The following ELOVL2 variants were observed in gnomAD, a reference collection of about 807,000 sequenced individuals.
The protein encoded by ELOVL2 is ELOVL fatty acid elongase 2.
A neutral mutation model predicts 37.7 loss-of-function variants in ELOVL2; 38 were observed. That is an observed-to-expected ratio of 1.01 (90% CI 0.78 to 1.32). The LOEUF (loss-of-function observed/expected upper bound fraction) is 1.32. ELOVL2 is among the 40% of genes most tolerant of loss of function. The pLI, the probability that ELOVL2 is intolerant of heterozygous loss-of-function variation, is 0.00. For missense variants in ELOVL2, 352 were observed against 363.6 expected, an observed-to-expected ratio of 0.97 and a Z score of 0.26; for synonymous variants, 115 against 122.3, an observed-to-expected ratio of 0.94 and a Z score of 0.40.
At position 10,984,006 on chromosome 6, in the gene ELOVL2, G is replaced by A. The variant is rs907207163; in HGVS notation, c.766-100C>T. On this transcript the variant is annotated intron_variant, in intron 7 of 7. Coordinates refer to ENST00000354666, the MANE Select transcript of ELOVL2 (RefSeq NM_017770.4). ...AGTTAAAACAGTATGTGATTTTGTT[G>A]GGCGCAGGATTTTCTGTTTTTGTCT... is the stretch of plus-strand genomic sequence containing the variant. The A allele has an allele frequency of 1.9e-5, 22 of 1,147,720 alleles. No homozygotes were observed. The Admixed American group carries it at 2.4e-4, about 13-fold the overall frequency. 71.1% of individuals were successfully genotyped at this position (1,147,720 alleles called of 1,614,324 possible).
Position 10,994,482 on chromosome 6 carries a change from A to AG in ELOVL2, c.505+524_505+525insC, listed in dbSNP as rs1561714784. Among the ~76,000 whole-genome samples the AG allele has an allele frequency of 2.6e-3, 352 of 134,404 alleles. 9 individuals carry two copies. The highest frequency in any genetic ancestry group is 8.1e-3 in the African/African-American group (287 of 35,378). The allele number at this position is 134,404 out of a possible 152,430, so 88.2% of individuals were successfully genotyped here. A position where few individuals can be genotyped will look rare whatever the true frequency, so the allele number is the denominator to read the frequency against. ...AAATTCCATCTCAAAAAAAAAAAAA[A>AG]AGAACAAATATGAATGAGTGCACTG... On this transcript the variant is annotated intron_variant, in intron 5 of 7. Coordinates refer to ENST00000354666, the MANE Select transcript of ELOVL2 (RefSeq NM_017770.4).
At chr6:10,983,943 A>C in intron 7 of ELOVL2, 37 bp from the exon 8 acceptor site, 3 of 1,566,384 alleles carry the variant, frequency 1.9e-6, no homozygotes, top group Non-Finnish European at 2.6e-6. Context: ...AAAAATAAAA[A>C]GGTTATTTAA....
intron 1 of ELOVL2, among the ~76,000 whole-genome samples, chr6:11,035,856 T>C (rs1220086683): frequency 6.6e-6 from 1 of 152,212 alleles, no homozygotes; most frequent in African/African-American, 2.4e-5. Context: ...TATATTTAAA[T>C]TGACAGTGCT....
intron 1 of ELOVL2, among the ~76,000 whole-genome samples, chr6:11,023,032 A>T (rs1782788592): frequency 6.6e-6 from 1 of 152,262 alleles, no homozygotes; most frequent in Non-Finnish European, 1.5e-5. Context: ...TTATTCAGTG[A>T]TTCAATGCTG....
chr6:11,024,981 A>G (rs1163740936), intron 1 of ELOVL2, among the ~76,000 whole-genome samples: 2 of 152,202 alleles, frequency 1.3e-5, no homozygotes, highest in African/African-American at 4.8e-5. Flanking sequence ...GGGATAGATT[A>G]CCGCCCAACA....
chr6:11,026,684 C>A (rs7765206), intron 1 of ELOVL2, among the ~76,000 whole-genome samples: 13,071 of 152,080 alleles, frequency 0.086, 1,691 homozygotes, highest in African/African-American at 0.28. Context: ...TTGTCTTTGT[C>A]CACACTCTTA....
At chr6:11,026,480 G>A (rs1782839568) in intron 1 of ELOVL2, among the ~76,000 whole-genome samples, 1 of 152,042 alleles carries the variant, frequency 6.6e-6, no homozygotes, top group Admixed American at 6.6e-5. Context: ...GATCCTTCTG[G>A]GCTATAACAG....
At chr6:11,007,119 C>A (rs1782494643) in intron 2 of ELOVL2, among the ~76,000 whole-genome samples, 1 of 152,158 alleles carries the variant, frequency 6.6e-6, no homozygotes, top group Non-Finnish European at 1.5e-5. Flanking sequence ...ATAATATCAT[C>A]CCAGTTTACC....
At chr6:11,019,721 TTTTAG>T (rs565269039) in intron 1 of ELOVL2, among the ~76,000 whole-genome samples, 27 of 149,974 alleles carry the variant, frequency 1.8e-4, no homozygotes, top group Admixed American at 1.3e-3. Context: ...GTCTCTATCG[TTTTAG>T]TTTAGTTTTT....
At chr6:11,018,028 A>C (rs1024592884) in intron 1 of ELOVL2, among the ~76,000 whole-genome samples, 1 of 152,216 alleles carries the variant, frequency 6.6e-6, no homozygotes, top group Non-Finnish European at 1.5e-5. Context: ...GAGCCTTAAC[A>C]TTCTTAACTC....
At chr6:11,016,963 AACT>A (rs1782693608) in intron 1 of ELOVL2, among the ~76,000 whole-genome samples, 1 of 152,178 alleles carries the variant, frequency 6.6e-6, no homozygotes, top group Admixed American at 6.5e-5. Flanking sequence ...CCTACCTCCC[AACT>A]ACTATTCTCT....
chr6:11,005,308 G>T, intron 3 of ELOVL2, 64 bp downstream of exon 3: 1 of 1,427,462 alleles, frequency 7.0e-7, no homozygotes, highest in Non-Finnish European at 9.6e-7. Flanking sequence ...GGCTAGATGT[G>T]GTTGTTTCTG....
chr6:10,992,809 A>AAAAC (rs1407547952), intron 5 of ELOVL2, among the ~76,000 whole-genome samples: 85 of 150,466 alleles, frequency 5.6e-4, no homozygotes, highest in African/African-American at 2.1e-3. Flanking sequence ...ACAAAAAAAA[A>AAAAC]CAAAAAAAAA....
In ELOVL2 at chr6:11,035,262, T is replaced by C. The variant is rs144117301; in HGVS notation, c.3+8966A>G. On this transcript the variant is annotated intron_variant, in intron 1 of 7. Transcript: ENST00000354666. ...TGAAGCATACACAAAACGATTTTGCTAGAAGTTCTTCCCATTCATTTGGAC... is the reference window on the plus strand; with the variant it reads ...TGAAGCATACACAAAACGATTTTGCCAGAAGTTCTTCCCATTCATTTGGAC... Among the ~76,000 whole-genome samples the C allele has an allele frequency of 2.4e-4, 36 of 152,286 alleles. 1 individual carries two copies. The highest frequency in any genetic ancestry group is 7.7e-4 in the African/African-American group (32 of 41,562).
At position 11,044,085 on chromosome 6, in the gene ELOVL2, C is replaced by CACTCACCAT; in HGVS notation, c.3+142_3+143insATGGTGAGT. On this transcript the variant is annotated intron_variant, in intron 1 of 7. Transcript: ENST00000354666. This position sits in a 1 kb window ranked among gnomAD's most constrained non-coding sequence, Gnocchi z 5.6. ...CCCGCTCCCCAGGCCCGCGCGGACC[C>CACTCACCAT]GGCCCCTCCGAGGGTAGCGGGTTCC... is the stretch of plus-strand genomic sequence containing the variant. 9.0e-7 allele frequency: 1 copy of CACTCACCAT among 1,112,742 alleles called. No homozygotes were observed. Among genetic ancestry groups the CACTCACCAT allele is most frequent in the Non-Finnish European group, 1.2e-6 (1 of 860,202 alleles). 68.9% of individuals were successfully genotyped at this position (1,112,742 alleles called of 1,614,324 possible). A position where few individuals can be genotyped will look rare whatever the true frequency, so the allele number is the denominator to read the frequency against.
intron 1 of ELOVL2, among the ~76,000 whole-genome samples, chr6:11,033,203 A>C (rs749286463): frequency 1.8e-4 from 28 of 152,162 alleles, no homozygotes; most frequent in Non-Finnish European, 3.8e-4. Flanking sequence ...TTACTCCTAC[A>C]CTATTTAAGT....
intron 1 of ELOVL2, among the ~76,000 whole-genome samples, chr6:11,037,192 A>G (rs1183139804): frequency 6.6e-6 from 1 of 150,994 alleles, no homozygotes; most frequent in African/African-American, 2.4e-5. Flanking sequence ...AGAGGGAAAG[A>G]GAGAGGCAGA....
At chr6:11,011,912 G>A (rs141562809) in intron 1 of ELOVL2, among the ~76,000 whole-genome samples, 350 of 152,302 alleles carry the variant, frequency 2.3e-3, no homozygotes, top group African/African-American at 7.8e-3. Flanking sequence ...TGGGGCCAGC[G>A]GGTTGGTCCC....
chr6:10,984,658 A>G lies in ELOVL2; in HGVS notation c.766-752T>C, dbSNP rs957691553. 6.6e-5 allele frequency among the ~76,000 whole-genome samples: 10 copies of G among 150,424 alleles called. No homozygotes were observed. In the East Asian group the frequency reaches 9.8e-4, roughly 15 times the overall value. On this transcript the variant is annotated intron_variant, in intron 7 of 7. Coordinates refer to ENST00000354666, the MANE Select transcript of ELOVL2 (RefSeq NM_017770.4). ...AGTTTACTGAGAATGATGATTTCCAATTTCATCCATGTCCCTACAAAGGAC... is the reference window on the plus strand; with the variant it reads ...AGTTTACTGAGAATGATGATTTCCAGTTTCATCCATGTCCCTACAAAGGAC...
Sources: allele counts gnomAD v4.1 joint callset (sites outside exome capture counted in the v4.1 genomes callset), GRCh38; gene constraint gnomAD v4.1.1; non-coding constraint Gnocchi (gnomAD v3.1); transcripts MANE v1.5; gene names NCBI Gene and HGNC (gene_info 2026-07-23, HGNC 2026-07-21).